FSTL5: variants seen among roughly 807,000 people sequenced by gnomAD.
FSTL5 encodes the protein follistatin-related protein 5.
FSTL5 carries 62 observed loss-of-function variants against 89.1 expected under a neutral mutation model. That is an observed-to-expected ratio of 0.70 (90% confidence interval 0.57 to 0.86). The LOEUF is 0.86. Among genes scored for constraint, FSTL5 ranks in the 40% least tolerant of loss-of-function variants. The pLI, the probability that FSTL5 is intolerant of heterozygous loss-of-function variation, is 0.00. For missense variants in FSTL5, 1,057 were observed against 1,001.6 expected (o/e 1.06, Z -0.75); for synonymous variants, 383 against 346.2 (o/e 1.11, Z -1.18).
At chr4:161,612,641 G>C (rs779637990) in intron 7 of FSTL5, among the ~76,000 whole-genome samples, 8 of 152,298 alleles carry the variant, frequency 5.3e-5, no homozygotes, top group Non-Finnish European at 1.2e-4. Context: ...TAAGGACCAA[G>C]TTCCTTCATT....
At chr4:161,805,423 GA>G (rs1729934375) in intron 4 of FSTL5, among the ~76,000 whole-genome samples, 1 of 152,106 alleles carries the variant, frequency 6.6e-6, no homozygotes, top group South Asian at 2.1e-4. Flanking sequence ...GTTTGTCATA[GA>G]GAGGAGAATG....
intron 10 of FSTL5, among the ~76,000 whole-genome samples, chr4:161,513,332 AGG>A (rs1730716931): frequency 7.1e-6 from 1 of 140,694 alleles, no homozygotes. Context: ...GAGGAGGAGG[AGG>A]AGAAAGAGGG....
intron 3 of FSTL5, among the ~76,000 whole-genome samples, chr4:162,003,780 C>A (rs1480541690): frequency 6.6e-6 from 1 of 152,086 alleles, no homozygotes; most frequent in Admixed American, 6.6e-5. Context: ...GATATATGTG[C>A]AAGTTATGTA....
intron 8 of FSTL5, among the ~76,000 whole-genome samples, chr4:161,585,289 A>G (rs755067304): frequency 1.3e-5 from 2 of 152,210 alleles, no homozygotes; most frequent in Non-Finnish European, 2.9e-5. Flanking sequence ...CAGCTCCTGA[A>G]GAGCAGCCGT....
At position 162,114,529 on chromosome 4, in the gene FSTL5, GACACACACACACACAC is replaced by G. The variant is rs9308041; in HGVS notation, c.-16-3133_-16-3118del. ...TTCCCTCTCTTTCTCTTTGTGTGTGGACACACACACACACACACACACACACACACACACACACATA... is the reference window on the plus strand; with the variant it reads ...TTCCCTCTCTTTCTCTTTGTGTGTGGACACACACACACACACACACACATA... On this transcript the variant is annotated intron_variant, in intron 1 of 15. Transcript: ENST00000306100. Among the ~76,000 whole-genome samples, 162 of 149,140 alleles carry G rather than the reference GACACACACACACACAC, an allele frequency of 1.1e-3. 2 individuals are homozygous for G. The highest frequency in any genetic ancestry group is 3.5e-3 in the Middle Eastern group (1 of 288).
At chr4:161,949,922 T>C (rs1734844417) in intron 3 of FSTL5, among the ~76,000 whole-genome samples, 1 of 152,154 alleles carries the variant, frequency 6.6e-6, no homozygotes, top group South Asian at 2.1e-4. Context: ...ATCTGGTAAA[T>C]CTAAGATATT....
chr4:161,720,400 G>C (rs1472124803), intron 6 of FSTL5, among the ~76,000 whole-genome samples: 2 of 152,054 alleles, frequency 1.3e-5, no homozygotes, highest in African/African-American at 4.8e-5. Flanking sequence ...GGAAACATTT[G>C]TACACTATTG....
At chr4:161,493,758 T>C (rs142831245) in intron 12 of FSTL5, among the ~76,000 whole-genome samples, 1 of 152,112 alleles carries the variant, frequency 6.6e-6, no homozygotes, top group Non-Finnish European at 1.5e-5. Flanking sequence ...AAGTGAGCCC[T>C]TATTAGTCAT....
intron 3 of FSTL5, among the ~76,000 whole-genome samples, chr4:161,981,293 G>T (rs1003762466): frequency 6.6e-6 from 1 of 151,980 alleles, no homozygotes; most frequent in African/African-American, 2.4e-5. Context: ...GTCTCTACCA[G>T]AAGTTAGATC....
chr4:161,609,225 C>T (rs189247920), intron 7 of FSTL5, among the ~76,000 whole-genome samples: 3 of 152,132 alleles, frequency 2.0e-5, no homozygotes, highest in African/African-American at 7.2e-5. Context: ...ATAATGTCTT[C>T]TTGTTTTAGC....
In FSTL5 at chr4:161,638,367, G is replaced by A. The variant is rs1437518855; in HGVS notation, c.894+17961C>T. Reference sequence around the variant, plus strand: ...TATCAGCTTAAGGAGATTTTGGGCTGAGACAATGGGGTTTTCTAGATATAC... The same window carrying A: ...TATCAGCTTAAGGAGATTTTGGGCTAAGACAATGGGGTTTTCTAGATATAC... On this transcript the variant is annotated intron_variant, in intron 7 of 15. Transcript: ENST00000306100. Among the ~76,000 whole-genome samples, 7 of 152,056 alleles carry A rather than the reference G, an allele frequency of 4.6e-5. No individual in the cohort carries two copies. The East Asian group carries it at 1.4e-3, about 29-fold the overall frequency.
At chr4:162,009,735 C>G (rs138027203) in intron 3 of FSTL5, among the ~76,000 whole-genome samples, 354 of 151,948 alleles carry the variant, frequency 2.3e-3, no homozygotes, top group African/African-American at 8.1e-3. Flanking sequence ...ATTTTTCATT[C>G]CTACATTATT....
intron 15 of FSTL5, among the ~76,000 whole-genome samples, chr4:161,431,256 A>G (rs898647195): frequency 1.3e-5 from 2 of 152,192 alleles, no homozygotes; most frequent in Admixed American, 1.3e-4. Flanking sequence ...TTTTCAAGAC[A>G]TAGTACAATG....
intron 6 of FSTL5, among the ~76,000 whole-genome samples, chr4:161,691,069 T>C (rs1338747202): frequency 6.6e-6 from 1 of 152,144 alleles, no homozygotes. Flanking sequence ...ATTTATCTAT[T>C]TTTTTCTTTT....
chr4:161,981,057 G>A (rs1206326476), intron 3 of FSTL5, among the ~76,000 whole-genome samples: 1 of 152,022 alleles, frequency 6.6e-6, no homozygotes, highest in African/African-American at 2.4e-5. Flanking sequence ...ACTGCGCCCA[G>A]CCACTCTTCA....
intron 4 of FSTL5, among the ~76,000 whole-genome samples, chr4:161,901,774 A>G (rs1338167950): frequency 6.6e-6 from 1 of 152,008 alleles, no homozygotes; most frequent in Non-Finnish European, 1.5e-5. Context: ...GTCTCTACTA[A>G]AATACAAAAA....
chr4:161,618,921 G>A (rs1220976886), intron 7 of FSTL5, among the ~76,000 whole-genome samples: 1 of 152,196 alleles, frequency 6.6e-6, no homozygotes, highest in East Asian at 1.9e-4. Flanking sequence ...GAGGCATCAT[G>A]ATACCTGACT....
intron 6 of FSTL5, among the ~76,000 whole-genome samples, chr4:161,696,500 T>G (rs1738174525): frequency 6.6e-6 from 1 of 152,134 alleles, no homozygotes; most frequent in Non-Finnish European, 1.5e-5. Flanking sequence ...TAATGGGGTA[T>G]TTTGATGGGA....
intron 11 of FSTL5, among the ~76,000 whole-genome samples, chr4:161,507,594 G>T (rs965824919): frequency 1.1e-4 from 16 of 151,678 alleles, no homozygotes; most frequent in African/African-American, 3.9e-4. Flanking sequence ...AAATAAGTGA[G>T]ATTTTCCTCT....
Sources: gnomAD v4.1 joint callset for allele counts (sites outside exome capture counted in the v4.1 genomes callset) on GRCh38, gnomAD v4.1.1 for gene constraint, MANE v1.5 for transcripts, NCBI Gene and HGNC (gene_info 2026-07-23, HGNC 2026-07-21) for gene names.